Variants in SMN2 observed in about 807,000 individuals in gnomAD.
The protein encoded by SMN2 is survival motor neuron protein.
Under a neutral mutation model 2.8 loss-of-function variants are expected in SMN2, and 1 was observed. The observed-to-expected ratio is 0.35, with a 90% confidence interval of 0.13 to 1.68. The LOEUF (loss-of-function observed/expected upper bound fraction) is 1.68. Among genes scored for constraint, SMN2 ranks in the 40% most tolerant of loss-of-function variants. The pLI, the probability that SMN2 is intolerant of heterozygous loss-of-function variation, is 0.35. For missense variants in SMN2, 12 were observed against 16.9 expected, an observed-to-expected ratio of 0.71 and a Z score of 0.51; for synonymous variants, 5 against 5.0, an observed-to-expected ratio of 0.99 and a Z score of 0.01.
At chr5:70,085,126 C>G in the SMN2 span, among the ~76,000 whole-genome samples, 1 of 130,372 alleles carries the variant, frequency 7.7e-6, no homozygotes, top group East Asian at 2.2e-4. Flanking sequence ...TAGTGGTATT[C>G]CAAGGTGCAT....
chr5:70,084,594 A>G, the SMN2 span, among the ~76,000 whole-genome samples: 1 of 137,172 alleles, frequency 7.3e-6, no homozygotes, highest in Non-Finnish European at 1.5e-5. Context: ...ATAGCCAATA[A>G]TTTATCAAAC....
intron 7 of SMN2, among the ~76,000 whole-genome samples, chr5:70,074,861 G>A (rs1487265190): frequency 2.5e-5 from 3 of 120,160 alleles, no homozygotes; most frequent in Non-Finnish European, 5.2e-5. Flanking sequence ...GCATGGTGGC[G>A]CATGCCTGTA....
intron 7 of SMN2, chr5:70,071,088 CTTT>C (rs1164147978): frequency 0.024 from 1,230 of 51,886 alleles, no homozygotes; most frequent in Middle Eastern, 0.057. Context: ...AAATGAAATT[CTTT>C]TTTTTTTTTT....
intron 7 of SMN2, among the ~76,000 whole-genome samples, chr5:70,072,730 G>GA (rs1414679384): frequency 5.0e-5 from 2 of 39,844 alleles, no homozygotes; most frequent in African/African-American, 2.0e-4. Context: ...TGAAATATTT[G>GA]AAAAAAATAC....
At chr5:70,077,830 G>A (rs1192906540), downstream of SMN2, 2 of 135,704 alleles carry the variant, frequency 1.5e-5, no homozygotes, top group Non-Finnish European at 1.5e-5. Context: ...TCTGCTATCC[G>A]GGTTCAAGCA....
chr5:70,088,424 C>CTTTT, the SMN2 span, among the ~76,000 whole-genome samples: 30 of 36,658 alleles, frequency 8.2e-4, 2 homozygotes, highest in East Asian at 6.6e-3. Context: ...AAGTTTCAAA[C>CTTTT]TTTTTTTTTT....
At chr5:70,083,499 A>C (rs1300038513), downstream of SMN2, among the ~76,000 whole-genome samples, 1 of 136,068 alleles carries the variant, frequency 7.3e-6, no homozygotes, top group Non-Finnish European at 1.5e-5. Flanking sequence ...AGACACATGC[A>C]CACGTATGTT....
At chr5:70,052,312 T>C (rs1382580868) in intron 1 of SMN2, among the ~76,000 whole-genome samples, 1 of 65,988 alleles carries the variant, frequency 1.5e-5, no homozygotes, top group African/African-American at 5.0e-5. Context: ...GGAGGCCGAG[T>C]TGGGCAGATC....
chr5:70,083,942 T>TA, the SMN2 span, among the ~76,000 whole-genome samples: 6 of 118,304 alleles, frequency 5.1e-5, no homozygotes, highest in South Asian at 2.5e-4. Context: ...CCCTAAAACT[T>TA]AAAGTATAAT....
Position 70,076,475 on chromosome 5 carries a change from A to G in SMN2, c.835-46A>G, listed in dbSNP as rs1561418696. 1.1e-5 allele frequency: 14 copies of G among 1,263,912 alleles called. 2 individuals are homozygous for G. The South Asian group carries it at 1.3e-4, about 11-fold the overall frequency. 78.3% of individuals were successfully genotyped at this position (1,263,912 alleles called of 1,614,324 possible). A position where few individuals can be genotyped will look rare whatever the true frequency, so the allele number is the denominator to read the frequency against. The stretch of plus-strand genomic sequence containing the variant: ...TAAAGCTATCTATATATAGCTATCT[A>G]TATCTATATAGCTATTTTTTTTAAC... On this transcript the variant is annotated intron_variant, in intron 7 of 8. Transcript: ENST00000380743.
rs1420523941 is a variant in SMN2 at position 70,077,386 on chromosome 5, CTG to C, written c.*373_*374del. The C allele has an allele frequency of 5.5e-5, 4 of 72,106 alleles. No homozygotes were observed. Among genetic ancestry groups the C allele is most frequent in the South Asian group, 4.6e-4 (2 of 4,370 alleles). The allele number at this position is 72,106 out of a possible 1,614,324, so 4.5% of individuals were successfully genotyped here. A position where few individuals can be genotyped will look rare whatever the true frequency, so the allele number is the denominator to read the frequency against. Reference sequence around the variant, plus strand: ...GAAGGGTGTTGTAGTTTATAAAAGACTGTCTTAATTTGCATACTTAAGCATTT... The same window carrying C: ...GAAGGGTGTTGTAGTTTATAAAAGACTCTTAATTTGCATACTTAAGCATTT... On this transcript the variant is annotated 3_prime_UTR_variant, in exon 9 of 9. Coordinates refer to ENST00000380743, the MANE Select transcript of SMN2 (RefSeq NM_017411.4).
intron 7 of SMN2, among the ~76,000 whole-genome samples, chr5:70,074,953 T>C: frequency 8.0e-6 from 1 of 124,326 alleles, no homozygotes; most frequent in East Asian, 2.4e-4. Context: ...GATTGCACCA[T>C]TGCACTCCAG....
intron 6 of SMN2, among the ~76,000 whole-genome samples, chr5:70,070,148 CTGTGTGTGTGTG>C: frequency 7.6e-6 from 1 of 131,066 alleles, no homozygotes; most frequent in Non-Finnish European, 1.6e-5. Context: ...GCTATGTGAG[CTGTGTGTGTGTG>C]TGTGTGTGTG....
chr5:70,077,721 A>G (rs1428037209), downstream of SMN2: 2 of 119,804 alleles, frequency 1.7e-5, no homozygotes. Context: ...CACATTTTTC[A>G]TGTCTTTACA....
In SMN2 at chr5:70,076,062, C is replaced by T. The variant is rs371510930; in HGVS notation, c.835-459C>T. 1.3e-4 allele frequency among the ~76,000 whole-genome samples: 16 copies of T among 124,684 alleles called. 3 individuals carry two copies. In the East Asian group the frequency reaches 3.2e-3, roughly 25 times the overall value. The allele number at this position is 124,684 out of a possible 152,430, so 81.8% of individuals were successfully genotyped here. A position where few individuals can be genotyped will look rare whatever the true frequency, so the allele number is the denominator to read the frequency against. On this transcript the variant is annotated intron_variant, in intron 7 of 8. Transcript: ENST00000380743. The stretch of plus-strand genomic sequence containing the variant: ...TAGAAACGGGGTTTTGCCATGTTGG[C>T]CAGGCTGTTCTCGAACTCCTGAGCT...
At chr5:70,079,685 A>G (rs1774827776), downstream of SMN2, among the ~76,000 whole-genome samples, 1 of 134,378 alleles carries the variant, frequency 7.4e-6, no homozygotes, top group African/African-American at 3.1e-5. Context: ...TGAGTACAGG[A>G]GGTTGAGGCT....
At chr5:70,080,720 G>GT (rs899587229), downstream of SMN2, among the ~76,000 whole-genome samples, 7 of 131,728 alleles carry the variant, frequency 5.3e-5, 1 homozygote, top group Admixed American at 2.3e-4. Flanking sequence ...GGGGTTGTCT[G>GT]TTTTTTTCTT....
the SMN2 span, among the ~76,000 whole-genome samples, chr5:70,084,434 G>A: frequency 4.6e-5 from 6 of 130,430 alleles, no homozygotes; most frequent in South Asian, 1.2e-3. Flanking sequence ...TGATCTGCTC[G>A]CCTTGGCCTC....
rs1290318889 is a variant in SMN2, at chr5:70,074,669, G to A, written c.835-1852G>A. Among the ~76,000 whole-genome samples the A allele has an allele frequency of 2.1e-4, 25 of 118,932 alleles. 1 individual carries two copies. Among genetic ancestry groups the A allele is most frequent in the African/African-American group, 5.4e-4 (17 of 31,204 alleles). The allele number at this position is 118,932 out of a possible 152,430, so 78.0% of individuals were successfully genotyped here. A position where few individuals can be genotyped will look rare whatever the true frequency, so the allele number is the denominator to read the frequency against. Reference sequence around the variant, plus strand: ...AAAAAAAAAAAAATAAGGTATAAGCGGGCTCAGGAACATCATTGGACATAC... The same window carrying A: ...AAAAAAAAAAAAATAAGGTATAAGCAGGCTCAGGAACATCATTGGACATAC... On this transcript the variant is annotated intron_variant, in intron 7 of 8. Coordinates refer to ENST00000380743, the MANE Select transcript of SMN2 (RefSeq NM_017411.4).
Sources: gnomAD v4.1 joint callset for allele counts (sites outside exome capture counted in the v4.1 genomes callset) on GRCh38, gnomAD v4.1.1 for gene constraint, MANE v1.5 for transcripts, NCBI Gene and HGNC (gene_info 2026-07-23, HGNC 2026-07-21) for gene names.